The following MARCHF1 variants were observed in gnomAD, a reference collection of about 807,000 sequenced individuals.
MARCHF1 encodes E3 ubiquitin-protein ligase MARCHF1.
Under a neutral mutation model 54.2 loss-of-function variants are expected in MARCHF1, and 40 were observed. The observed-to-expected ratio is 0.74, with a 90% CI of 0.57 to 0.96. MARCHF1 has a LOEUF of 0.96. Among genes scored for constraint, MARCHF1 ranks in the 40% least tolerant of loss-of-function variants. The probability of loss-of-function intolerance (pLI) is 0.00; values close to 1 mark genes in which losing one functional copy is unlikely to be tolerated. For synonymous variants in MARCHF1, 236 were observed against 236.3 expected, an observed-to-expected ratio of 1.00 and a Z score of 0.01; for missense variants, 586 against 656.5, an observed-to-expected ratio of 0.89 and a Z score of 1.17.
At chr4:163,615,630 T>C (rs906910958) in intron 5 of MARCHF1, among the ~76,000 whole-genome samples, 2 of 152,104 alleles carry the variant, frequency 1.3e-5, no homozygotes, top group South Asian at 2.1e-4. Flanking sequence ...AGAATTAATA[T>C]TGTTGAAATG....
intron 4 of MARCHF1, among the ~76,000 whole-genome samples, chr4:163,768,073 C>T (rs952246770): frequency 6.6e-6 from 1 of 152,000 alleles, no homozygotes; most frequent in African/African-American, 2.4e-5. Flanking sequence ...AAATGACCTG[C>T]CGTCTTTGTT....
At chr4:163,747,002 A>G (rs1746382406) in intron 4 of MARCHF1, among the ~76,000 whole-genome samples, 1 of 152,206 alleles carries the variant, frequency 6.6e-6, no homozygotes, top group South Asian at 2.1e-4. Context: ...CTTGATCAGC[A>G]GTTTCTAGTA....
chr4:163,949,393 G>A (rs1473074883), intron 3 of MARCHF1, among the ~76,000 whole-genome samples: 1 of 152,150 alleles, frequency 6.6e-6, no homozygotes. Flanking sequence ...GCCCTGGCTC[G>A]TGAAGCTCTA....
At chr4:163,830,381 A>G (rs1251186088) in intron 4 of MARCHF1, among the ~76,000 whole-genome samples, 2 of 152,056 alleles carry the variant, frequency 1.3e-5, no homozygotes, top group East Asian at 1.9e-4. Context: ...TGATGGTTCA[A>G]ATTGGACTAA....
intron 3 of MARCHF1, among the ~76,000 whole-genome samples, chr4:163,895,676 G>A (rs937866060): frequency 6.6e-6 from 1 of 152,162 alleles, no homozygotes; most frequent in East Asian, 1.9e-4. Context: ...CTGTGAAAGA[G>A]GATGTTCTGT....
At chr4:163,574,125 C>A (rs1278780177) in intron 8 of MARCHF1, among the ~76,000 whole-genome samples, 1 of 152,086 alleles carries the variant, frequency 6.6e-6, no homozygotes, top group Non-Finnish European at 1.5e-5. Context: ...TGAGAAGTGT[C>A]TGTTCATGTC....
chr4:164,365,601 C>T (rs2110939336), intron 1 of MARCHF1, among the ~76,000 whole-genome samples: 1 of 152,020 alleles, frequency 6.6e-6, no homozygotes, highest in South Asian at 2.1e-4. Flanking sequence ...CCTTTGTAAG[C>T]ACTACTTTAT....
At chr4:163,868,080 C>T (rs763160024) in intron 3 of MARCHF1, among the ~76,000 whole-genome samples, 32 of 152,004 alleles carry the variant, frequency 2.1e-4, no homozygotes, top group Non-Finnish European at 4.3e-4. Context: ...TTTTCTGCCT[C>T]ACCACCTGCT....
chr4:164,014,240 G>A (rs1009808269), intron 2 of MARCHF1, among the ~76,000 whole-genome samples: 1 of 151,422 alleles, frequency 6.6e-6, no homozygotes, highest in African/African-American at 2.4e-5. Context: ...AAAAAATGAG[G>A]ACAGGGTGGA....
chr4:164,189,072 G>C (rs549525846), intron 1 of MARCHF1: 2 of 688,176 alleles, frequency 2.9e-6, no homozygotes, highest in East Asian at 5.0e-5. Flanking sequence ...CCTTCAATGC[G>C]TCTCCTCTCA....
intron 5 of MARCHF1, among the ~76,000 whole-genome samples, chr4:163,693,030 G>A (rs1744512303): frequency 6.6e-6 from 1 of 151,292 alleles, no homozygotes; most frequent in African/African-American, 2.4e-5. Flanking sequence ...CCTGTTCCAG[G>A]GATATTTTGC....
At chr4:164,115,270 A>G (rs895754538) in intron 1 of MARCHF1, among the ~76,000 whole-genome samples, 1 of 152,076 alleles carries the variant, frequency 6.6e-6, no homozygotes, top group Non-Finnish European at 1.5e-5. Flanking sequence ...ACGTGAATAA[A>G]ATAAACTGGA....
intron 7 of MARCHF1, among the ~76,000 whole-genome samples, chr4:163,602,040 A>C (rs1342063594): frequency 6.6e-6 from 1 of 152,038 alleles, no homozygotes; most frequent in Non-Finnish European, 1.5e-5. Context: ...GCATATCTTT[A>C]AAATATATAA....
At chr4:164,209,761 T>C (rs920614949) in intron 1 of MARCHF1, among the ~76,000 whole-genome samples, 1 of 152,336 alleles carries the variant, frequency 6.6e-6, no homozygotes, top group African/African-American at 2.4e-5. Context: ...TCATTTAACA[T>C]GCATTTGTAT....
chr4:164,231,766 T>A (rs371829207), intron 1 of MARCHF1, among the ~76,000 whole-genome samples: 5 of 152,276 alleles, frequency 3.3e-5, no homozygotes, highest in East Asian at 1.9e-4. Context: ...TCTCTCTATA[T>A]ACTTTTCCCT....
intron 5 of MARCHF1, among the ~76,000 whole-genome samples, chr4:163,700,567 AGG>A (rs2111229582): frequency 6.6e-6 from 1 of 151,486 alleles, no homozygotes; most frequent in South Asian, 2.1e-4. Context: ...GAAGGAAGGA[AGG>A]AAGGAAGGAA....
At chr4:163,613,575 G>A in intron 5 of MARCHF1, 182 bp from the exon 6 acceptor site, 1 of 1,502,030 alleles carries the variant, frequency 6.7e-7, no homozygotes, top group Non-Finnish European at 8.9e-7. Context: ...ACTTATTTGA[G>A]GAACCTGGAA....
chr4:163,972,044 T>C (rs933161617), intron 3 of MARCHF1, among the ~76,000 whole-genome samples: 1 of 152,222 alleles, frequency 6.6e-6, no homozygotes, highest in Non-Finnish European at 1.5e-5. Context: ...TCATGTCCTT[T>C]GCAGGGACTT....
At chr4:163,636,772 G>C (rs1162395345) in intron 5 of MARCHF1, among the ~76,000 whole-genome samples, 1 of 152,044 alleles carries the variant, frequency 6.6e-6, no homozygotes, top group Non-Finnish European at 1.5e-5. Flanking sequence ...AACCAAAAAA[G>C]AGCCTGCATT....
Sources: allele counts gnomAD v4.1 joint callset (sites outside exome capture counted in the v4.1 genomes callset), GRCh38; gene constraint gnomAD v4.1.1; transcripts MANE v1.5; gene names NCBI Gene and HGNC (gene_info 2026-07-23, HGNC 2026-07-21).